Variants in NFATC2 observed in about 807,000 individuals in gnomAD.
The protein encoded by NFATC2 is nuclear factor of activated T-cells, cytoplasmic 2.
Under a neutral mutation model 87.3 loss-of-function variants are expected in NFATC2, and 22 were observed. That is an observed-to-expected ratio of 0.25 (90% CI 0.18 to 0.36). NFATC2 has a LOEUF of 0.36. NFATC2 is among the 10% of genes least tolerant of loss of function. The pLI, the probability that NFATC2 is intolerant of heterozygous loss-of-function variation, is 1.00. For missense variants in NFATC2, 1,149 were observed against 1,259.1 expected (o/e 0.91, Z 1.32); for synonymous variants, 565 against 542.2 (o/e 1.04, Z -0.58).
intron 5 of NFATC2, among the ~76,000 whole-genome samples, chr20:51,470,211 G>A (rs1988074002): frequency 6.6e-6 from 1 of 152,146 alleles, no homozygotes; most frequent in African/African-American, 2.4e-5. Flanking sequence ...TTATCTACAT[G>A]GAGTGGGAAG....
rs2076509869 is a variant in NFATC2 at position 51,524,443 on chromosome 20, A to G, written c.131-333T>C. The stretch of plus-strand genomic sequence containing the variant: ...ACCATATACACCCACAACTGAAACA[A>G]AAGCCTCTCGAGTCAATACTTACCC... On this transcript the variant is annotated intron_variant, in intron 1 of 10. Transcript: ENST00000371564. The surrounding 1 kb of genome is among the most constrained non-coding windows in gnomAD (Gnocchi z 4.0). Among the ~76,000 whole-genome samples, 1 of 152,034 alleles carries G rather than the reference A, an allele frequency of 6.6e-6. No homozygotes were observed. Among genetic ancestry groups the G allele is most frequent in the Non-Finnish European group, 1.5e-5 (1 of 67,998 alleles).
chr20:51,530,150 G>A (rs530128364), intron 1 of NFATC2, among the ~76,000 whole-genome samples: 26 of 152,186 alleles, frequency 1.7e-4, no homozygotes, highest in Admixed American at 4.6e-4. Context: ...TCACTGAAGC[G>A]CTACTCCTTT....
chr20:51,429,253 G>A (rs1982322613), intron 9 of NFATC2, among the ~76,000 whole-genome samples: 1 of 152,240 alleles, frequency 6.6e-6, no homozygotes, highest in Admixed American at 6.5e-5. Flanking sequence ...GCAGTCTGGG[G>A]CTTGCCACTG....
rs762707230 is a variant in NFATC2, at chr20:51,524,644, G to A, written c.131-534C>T. 6.6e-6 allele frequency among the ~76,000 whole-genome samples: 1 copy of A among 152,102 alleles called. No homozygotes were observed. The highest frequency in any genetic ancestry group is 1.5e-5 in the Non-Finnish European group (1 of 68,014). On this transcript the variant is annotated intron_variant, in intron 1 of 10. Coordinates refer to ENST00000371564, the MANE Select transcript of NFATC2 (RefSeq NM_012340.5). This position sits in a 1 kb window ranked among gnomAD's most constrained non-coding sequence, Gnocchi z 4.0. ...CTCTACACACATGACGTGGACGCAGGACACAGAGGGAGGCTGCGCAGACTC... is the reference window on the plus strand; with the variant it reads ...CTCTACACACATGACGTGGACGCAGAACACAGAGGGAGGCTGCGCAGACTC...
chr20:51,515,507 C>T (rs761887845), intron 3 of NFATC2, among the ~76,000 whole-genome samples: 28 of 152,186 alleles, frequency 1.8e-4, no homozygotes, highest in Non-Finnish European at 8.8e-5. Flanking sequence ...CACAGATCCA[C>T]CTGATGAAGC....
At chr20:51,537,567 T>C (rs1289174049) in intron 1 of NFATC2, among the ~76,000 whole-genome samples, 2 of 152,074 alleles carry the variant, frequency 1.3e-5, no homozygotes, top group Admixed American at 1.3e-4. Flanking sequence ...CACATATCTG[T>C]CCCCAACACA....
intron 9 of NFATC2, among the ~76,000 whole-genome samples, chr20:51,420,107 T>A (rs918130242): frequency 2.0e-5 from 3 of 151,372 alleles, no homozygotes; most frequent in South Asian, 2.1e-4. Flanking sequence ...AACTGGTAAA[T>A]AAAGGGAAAG....
intron 9 of NFATC2, among the ~76,000 whole-genome samples, chr20:51,411,404 T>G (rs1400768079): frequency 6.6e-6 from 1 of 151,962 alleles, no homozygotes; most frequent in Non-Finnish European, 1.5e-5. Context: ...CTAGCCCCAG[T>G]GTTCTTTATC....
chr20:51,397,949 C>G (rs6013174), intron 10 of NFATC2, among the ~76,000 whole-genome samples: 2,631 of 152,254 alleles, frequency 0.017, 70 homozygotes, highest in African/African-American at 0.06. Context: ...GGACTTCACA[C>G]CCCAGGGCCT....
chr20:51,463,963 C>T (rs1987408999), intron 5 of NFATC2, among the ~76,000 whole-genome samples: 1 of 150,374 alleles, frequency 6.7e-6, no homozygotes, highest in Non-Finnish European at 1.5e-5. Flanking sequence ...AAAGAAGCCA[C>T]CCCAATCCTG....
At chr20:51,526,994 G>T (rs2076555745) in intron 1 of NFATC2, among the ~76,000 whole-genome samples, 1 of 152,044 alleles carries the variant, frequency 6.6e-6, no homozygotes, top group Non-Finnish European at 1.5e-5. Flanking sequence ...CACCTCCCAG[G>T]CTCAAGCAAT....
At chr20:51,515,326 A>T (rs772187413) in intron 3 of NFATC2, among the ~76,000 whole-genome samples, 4 of 151,766 alleles carry the variant, frequency 2.6e-5, no homozygotes, top group African/African-American at 4.8e-5. Context: ...GATTAAAGAG[A>T]CCTCCCCACC....
chr20:51,530,586 G>A (rs1348968912), intron 1 of NFATC2, among the ~76,000 whole-genome samples: 1 of 152,144 alleles, frequency 6.6e-6, no homozygotes, highest in Non-Finnish European at 1.5e-5. Flanking sequence ...ACCATGGGAG[G>A]TACCTGGCCT....
chr20:51,416,664 C>A (rs1393792832), intron 9 of NFATC2, among the ~76,000 whole-genome samples: 1 of 152,204 alleles, frequency 6.6e-6, no homozygotes, highest in African/African-American at 2.4e-5. Flanking sequence ...CTGATAGCTG[C>A]TCTCTATGGA....
chr20:51,549,047 T>C (rs887900257), intron 1 of NFATC2, among the ~76,000 whole-genome samples: 1 of 152,184 alleles, frequency 6.6e-6, no homozygotes, highest in African/African-American at 2.4e-5. Flanking sequence ...TAGTTCCAGC[T>C]ACCTGGAGAC....
chr20:51,441,076 A>G (rs1984268007), intron 6 of NFATC2, among the ~76,000 whole-genome samples: 1 of 152,088 alleles, frequency 6.6e-6, no homozygotes, highest in African/African-American at 2.4e-5. Flanking sequence ...TGAGGTCAGG[A>G]GTTCAAGACC....
intron 3 of NFATC2, among the ~76,000 whole-genome samples, chr20:51,477,580 T>TAA (rs548899918): frequency 0.012 from 855 of 69,776 alleles, 11 homozygotes; most frequent in Non-Finnish European, 0.016. Context: ...TATATATATA[T>TAA]AAAATAACAA....
At chr20:51,461,852 A>T (rs1987189295) in intron 5 of NFATC2, among the ~76,000 whole-genome samples, 1 of 152,158 alleles carries the variant, frequency 6.6e-6, no homozygotes, top group Non-Finnish European at 1.5e-5. Context: ...GTGGTGGCTC[A>T]CCCCTGTAAT....
chr20:51,553,717 C>T (rs2076954010), intron 1 of NFATC2, among the ~76,000 whole-genome samples: 1 of 151,606 alleles, frequency 6.6e-6, no homozygotes, highest in Non-Finnish European at 1.5e-5. Context: ...CTCAGTAAAC[C>T]TGCCTCCCCC....
Sources: gnomAD v4.1 joint callset for allele counts (sites outside exome capture counted in the v4.1 genomes callset) on GRCh38, gnomAD v4.1.1 for gene constraint, Gnocchi (gnomAD v3.1) non-coding constraint, MANE v1.5 for transcripts, NCBI Gene and HGNC (gene_info 2026-07-23, HGNC 2026-07-21) for gene names.